Variants in PTPRD observed in about 807,000 individuals in gnomAD.
PTPRD encodes protein tyrosine phosphatase receptor type D.
In PTPRD, 34 loss-of-function variants were observed where a neutral mutation model predicts 214.5. The observed-to-expected ratio is 0.16, with a 90% CI of 0.12 to 0.21. PTPRD has a LOEUF of 0.21. PTPRD is among the 10% of genes least tolerant of loss of function. The pLI, the probability that PTPRD is intolerant of heterozygous loss-of-function variation, is 1.00. For synonymous variants in PTPRD, 1,128 were observed against 845.7 expected (o/e 1.33, Z -5.79); for missense variants, 2,545 against 2,398.7 (o/e 1.06, Z -1.27).
intron 9 of PTPRD, among the ~76,000 whole-genome samples, chr9:9,283,010 T>C (rs891487681): frequency 1.3e-5 from 2 of 151,508 alleles, no homozygotes; most frequent in Non-Finnish European, 3.0e-5. Context: ...CTGACTCTTA[T>C]CTTGAGGTCA....
chr9:10,179,247 T>A (rs1303416006), intron 3 of PTPRD, among the ~76,000 whole-genome samples: 1 of 151,964 alleles, frequency 6.6e-6, no homozygotes, highest in African/African-American at 2.4e-5. Flanking sequence ...TTTTTTCAGC[T>A]TAAAAGAAAA....
At chr9:9,801,733 A>G (rs72710145) in intron 5 of PTPRD, among the ~76,000 whole-genome samples, 1,832 of 152,132 alleles carry the variant, frequency 0.012, 22 homozygotes, top group Non-Finnish European at 0.018. Flanking sequence ...GCTAACTATT[A>G]AAGGTTAAAT....
chr9:8,330,652 C>CAGCTAATAGAAGGGACTTTAAACA (rs1839439235), intron 44 of PTPRD, among the ~76,000 whole-genome samples: 1 of 151,890 alleles, frequency 6.6e-6, no homozygotes, highest in African/African-American at 2.4e-5. Context: ...GACTTTAAAC[C>CAGCTAATAGAAGGGACTTTAAACA]TCAGCTAAGA....
intron 4 of PTPRD, among the ~76,000 whole-genome samples, chr9:9,954,211 G>T (rs138942688): frequency 1.4e-5 from 2 of 143,564 alleles, no homozygotes; most frequent in African/African-American, 5.3e-5. Flanking sequence ...GATGAGAATC[G>T]CTTGAACCTG....
intron 9 of PTPRD, among the ~76,000 whole-genome samples, chr9:9,210,881 G>C (rs1342109666): frequency 6.6e-6 from 1 of 150,700 alleles, no homozygotes; most frequent in Non-Finnish European, 1.5e-5. Context: ...CTCTTCAATA[G>C]AAACCAGGCT....
chr9:8,633,195 C>T (rs1208943995), intron 14 of PTPRD, 122 bp downstream of exon 14: 1 of 1,275,636 alleles, frequency 7.8e-7, no homozygotes, highest in Non-Finnish European at 1.1e-6. Flanking sequence ...TCAAGTCTTA[C>T]AAACATTTAA....
At chr9:10,500,275 T>C (rs1177614157) in intron 2 of PTPRD, among the ~76,000 whole-genome samples, 3 of 151,822 alleles carry the variant, frequency 2.0e-5, no homozygotes, top group African/African-American at 7.2e-5. Context: ...TATTAACTCC[T>C]TGAAGGCCAC....
chr9:9,147,004 T>G (rs1010477300), intron 10 of PTPRD, among the ~76,000 whole-genome samples: 3 of 152,174 alleles, frequency 2.0e-5, no homozygotes, highest in South Asian at 2.1e-4. Flanking sequence ...GGACAGATTT[T>G]GAAATTCTTG....
At chr9:9,203,166 G>T (rs1261397775) in intron 9 of PTPRD, among the ~76,000 whole-genome samples, 1 of 151,942 alleles carries the variant, frequency 6.6e-6, no homozygotes, top group Non-Finnish European at 1.5e-5. Flanking sequence ...GGAGGCGGAG[G>T]TTGCAGCGAG....
intron 3 of PTPRD, among the ~76,000 whole-genome samples, chr9:10,163,633 G>A (rs2099142025): frequency 6.6e-6 from 1 of 151,350 alleles, no homozygotes; most frequent in Non-Finnish European, 1.5e-5. Flanking sequence ...AACCAACTCA[G>A]TATATTTTAA....
At chr9:10,492,115 G>A (rs1163807701) in intron 2 of PTPRD, among the ~76,000 whole-genome samples, 2 of 152,068 alleles carry the variant, frequency 1.3e-5, no homozygotes, top group Non-Finnish European at 2.9e-5. Flanking sequence ...GTCTATCATT[G>A]ATGGGCATTT....
intron 2 of PTPRD, among the ~76,000 whole-genome samples, chr9:10,448,101 A>G (rs2098812073): frequency 6.6e-6 from 1 of 152,038 alleles, no homozygotes; most frequent in Non-Finnish European, 1.5e-5. Context: ...TGAATTATTC[A>G]TTACGCAATT....
chr9:9,291,795 CTTTTT>C (rs55914023), intron 9 of PTPRD, among the ~76,000 whole-genome samples: 1 of 149,674 alleles, frequency 6.7e-6, no homozygotes, highest in Admixed American at 6.7e-5. Flanking sequence ...TATTTTCTCT[CTTTTT>C]TTAGGTTTTC....
chr9:10,406,378 A>C lies in PTPRD; in HGVS notation c.-599-65361T>G, dbSNP rs746229182. The stretch of plus-strand genomic sequence containing the variant: ...ATATTATAGTGGAATAACAAACGAA[A>C]ATTGAAGAAATAGTAAGAATGTATG... On this transcript the variant is annotated intron_variant, in intron 2 of 45. Transcript: ENST00000381196. Among the ~76,000 whole-genome samples, 182 of 151,618 alleles carry C rather than the reference A, an allele frequency of 1.2e-3. 4 individuals are homozygous for C. The highest frequency in any genetic ancestry group is 3.4e-4 in the Non-Finnish European group (23 of 67,746).
intron 7 of PTPRD, among the ~76,000 whole-genome samples, chr9:9,730,161 A>C (rs1055135949): frequency 5.3e-5 from 8 of 152,194 alleles, no homozygotes; most frequent in Non-Finnish European, 1.0e-4. Context: ...AATAGCATTC[A>C]ATTCTTGGAA....
intron 3 of PTPRD, among the ~76,000 whole-genome samples, chr9:10,294,405 A>T (rs975419859): frequency 3.9e-5 from 6 of 151,960 alleles, no homozygotes; most frequent in Non-Finnish European, 7.4e-5. Flanking sequence ...AAAGCATAAA[A>T]ACCATTAAAA....
intron 10 of PTPRD, among the ~76,000 whole-genome samples, chr9:9,145,172 A>G (rs187098380): frequency 1.3e-5 from 2 of 152,288 alleles, no homozygotes; most frequent in Non-Finnish European, 2.9e-5. Flanking sequence ...AGCAAAATCT[A>G]TCTTGGCCAC....
chr9:9,614,824 T>A (rs775943033), intron 7 of PTPRD, among the ~76,000 whole-genome samples: 2 of 152,060 alleles, frequency 1.3e-5, no homozygotes, highest in Non-Finnish European at 2.9e-5. Flanking sequence ...TGTGGTGGGG[T>A]GATTTCTAGA....
chr9:9,927,870 G>A (rs998451690), intron 5 of PTPRD, among the ~76,000 whole-genome samples: 3 of 152,016 alleles, frequency 2.0e-5, no homozygotes, highest in African/African-American at 7.2e-5. Context: ...TGTGAATAAA[G>A]GACACGGGAA....
Sources: gnomAD v4.1 joint callset for allele counts (sites outside exome capture counted in the v4.1 genomes callset) on GRCh38, gnomAD v4.1.1 for gene constraint, MANE v1.5 for transcripts, NCBI Gene and HGNC (gene_info 2026-07-23, HGNC 2026-07-21) for gene names.